PARD3: variants seen among roughly 807,000 people sequenced by gnomAD.
PARD3 encodes partitioning defective 3 homolog.
In PARD3, 75 loss-of-function variants were observed where a neutral mutation model predicts 155.4. The ratio of observed to expected loss-of-function variants is 0.48; its 90% CI spans 0.40 to 0.58. The LOEUF is 0.58. Among genes scored for constraint, PARD3 ranks in the 20% least tolerant of loss-of-function variants. The pLI, the probability that PARD3 is intolerant of heterozygous loss-of-function variation, is 0.00. For synonymous variants in PARD3, 576 were observed against 610.5 expected (o/e 0.94, Z 0.83); for missense variants, 1,642 against 1,721.7 (o/e 0.95, Z 0.82).
chr10:34,220,185 C>G (rs371096865), intron 22 of PARD3, among the ~76,000 whole-genome samples: 49 of 152,174 alleles, frequency 3.2e-4, no homozygotes, highest in Admixed American at 2.0e-3. Context: ...TCCACTCCTA[C>G]AAGTTGTAAA....
intron 5 of PARD3, among the ~76,000 whole-genome samples, chr10:34,419,145 A>C (rs1341941434): frequency 2.0e-5 from 3 of 152,204 alleles, no homozygotes; most frequent in Admixed American, 1.3e-4. Context: ...TTGAATATTA[A>C]AATCTTAAAA....
chr10:34,406,886 T>C (rs554573333), intron 5 of PARD3, among the ~76,000 whole-genome samples: 27 of 152,154 alleles, frequency 1.8e-4, no homozygotes, highest in South Asian at 1.0e-3. Flanking sequence ...CAGTGAGCAA[T>C]TGTCACATTG....
rs1841926662 is a variant in PARD3 at position 34,382,117 on chromosome 10, C to T, written c.1399+423G>A. 2.0e-5 allele frequency among the ~76,000 whole-genome samples: 3 copies of T among 152,080 alleles called. No homozygotes were observed. The South Asian group carries it at 6.2e-4, about 32-fold the overall frequency. ...CACATCAAATACTGAGATTGACGTGCACTACCTCTAAAGTCCTCCTTGAGG... is the reference window on the plus strand; with the variant it reads ...CACATCAAATACTGAGATTGACGTGTACTACCTCTAAAGTCCTCCTTGAGG... On this transcript the variant is annotated intron_variant, in intron 9 of 24. Coordinates refer to ENST00000374788, the MANE Select transcript of PARD3 (RefSeq NM_001184785.2).
intron 2 of PARD3, among the ~76,000 whole-genome samples, chr10:34,650,339 C>G (rs904334102): frequency 6.6e-6 from 1 of 152,242 alleles, no homozygotes; most frequent in Non-Finnish European, 1.5e-5. Context: ...AGGAACTTCT[C>G]AGTTCCATTA....
At chr10:34,156,736 C>T (rs373670383) in intron 22 of PARD3, among the ~76,000 whole-genome samples, 29 of 152,296 alleles carry the variant, frequency 1.9e-4, no homozygotes, top group East Asian at 1.7e-3. Context: ...TCCCAGAGCT[C>T]GCCCAGGCCC....
chr10:34,352,120 G>T (rs1330194210), intron 14 of PARD3, among the ~76,000 whole-genome samples: 1 of 152,126 alleles, frequency 6.6e-6, no homozygotes, highest in East Asian at 1.9e-4. Flanking sequence ...TTCTAACATG[G>T]ATATAATAAA....
chr10:34,562,640 A>G (rs2085592113), intron 2 of PARD3, among the ~76,000 whole-genome samples: 1 of 152,132 alleles, frequency 6.6e-6, no homozygotes, highest in Admixed American at 6.5e-5. Flanking sequence ...AATGTTAAAA[A>G]CTTTTTTTTA....
In PARD3 at chr10:34,719,464, G is replaced by T. The variant is rs571193589; in HGVS notation, c.121-23045C>A. 7.2e-5 allele frequency among the ~76,000 whole-genome samples: 11 copies of T among 152,196 alleles called. No individual in the cohort carries two copies. The East Asian group carries it at 2.1e-3, about 29-fold the overall frequency. ...ATAGTTACTTAATACATTCCTGAGT[G>T]CAGTGCAGCAACACTTCCTGTTTAT... On this transcript the variant is annotated intron_variant, in intron 1 of 24. Coordinates refer to ENST00000374788, the MANE Select transcript of PARD3 (RefSeq NM_001184785.2).
intron 20 of PARD3, 116 bp from the exon 21 acceptor site, chr10:34,284,361 G>C (rs914917438): frequency 1.6e-6 from 1 of 609,022 alleles, no homozygotes; most frequent in East Asian, 3.0e-5. Flanking sequence ...ACAGGGATCA[G>C]GTGTCTTCTG....
At chr10:34,182,822 G>C (rs1049901826) in intron 22 of PARD3, among the ~76,000 whole-genome samples, 1 of 151,616 alleles carries the variant, frequency 6.6e-6, no homozygotes, top group Non-Finnish European at 1.5e-5. Flanking sequence ...GTAACTATTG[G>C]TGTAAATGGG....
intron 1 of PARD3, among the ~76,000 whole-genome samples, chr10:34,712,785 G>C (rs2094466251): frequency 6.6e-6 from 1 of 151,922 alleles, no homozygotes; most frequent in Non-Finnish European, 1.5e-5. Context: ...GAGAAGGGAG[G>C]GTGAGGAGAT....
intron 2 of PARD3, among the ~76,000 whole-genome samples, chr10:34,668,497 G>A (rs138667923): frequency 1.3e-5 from 2 of 152,230 alleles, no homozygotes; most frequent in Non-Finnish European, 2.9e-5. Context: ...TCAAAATCCA[G>A]GAAGAGCAGA....
intron 12 of PARD3, among the ~76,000 whole-genome samples, chr10:34,369,228 C>T (rs949626263): frequency 2.0e-5 from 3 of 152,130 alleles, no homozygotes; most frequent in African/African-American, 7.2e-5. Flanking sequence ...GCATGTGGTC[C>T]AGGATGGCTT....
rs1466343287 is a variant in PARD3 at position 34,525,266 on chromosome 10, T to C, written c.223-8107A>G. On this transcript the variant is annotated intron_variant, in intron 2 of 24. Coordinates refer to ENST00000374788, the MANE Select transcript of PARD3 (RefSeq NM_001184785.2). Reference sequence around the variant, plus strand: ...AGATTAATTCCACGCTTCATCAGCATATTAAGAAGGGTATATACTGTCTGA... The same window carrying C: ...AGATTAATTCCACGCTTCATCAGCACATTAAGAAGGGTATATACTGTCTGA... Among the ~76,000 whole-genome samples the C allele has an allele frequency of 3.9e-5, 6 of 152,330 alleles. No homozygotes were observed. In the East Asian group the frequency reaches 7.7e-4, roughly 20 times the overall value.
At chr10:34,152,368 G>T (rs1948819152) in intron 22 of PARD3, among the ~76,000 whole-genome samples, 1 of 152,216 alleles carries the variant, frequency 6.6e-6, no homozygotes. Context: ...TAGGCTGTAT[G>T]GTGTAGCCTA....
chr10:34,518,083 T>C (rs1290455669), intron 2 of PARD3, among the ~76,000 whole-genome samples: 1 of 152,146 alleles, frequency 6.6e-6, no homozygotes, highest in Non-Finnish European at 1.5e-5. Flanking sequence ...TTCATCATAT[T>C]GGCCAGGCCA....
intron 1 of PARD3, among the ~76,000 whole-genome samples, chr10:34,806,046 T>G (rs369836358): frequency 1.1e-3 from 170 of 151,362 alleles, no homozygotes; most frequent in African/African-American, 3.8e-3. Flanking sequence ...TTTTTTTCTG[T>G]TAGAGACAGA....
chr10:34,311,103 T>C (rs1238620096), intron 20 of PARD3, among the ~76,000 whole-genome samples: 3 of 152,310 alleles, frequency 2.0e-5, no homozygotes, highest in Admixed American at 1.3e-4. Context: ...CTCTTCTGTG[T>C]GTCTCCTTAC....
At chr10:34,272,389 A>T (rs979133910) in intron 21 of PARD3, among the ~76,000 whole-genome samples, 3 of 152,196 alleles carry the variant, frequency 2.0e-5, no homozygotes, top group African/African-American at 7.2e-5. Context: ...ACTAGAAAAA[A>T]ATATTTGCAA....
Sources: allele counts gnomAD v4.1 joint callset (sites outside exome capture counted in the v4.1 genomes callset), GRCh38; gene constraint gnomAD v4.1.1; transcripts MANE v1.5; gene names NCBI Gene and HGNC (gene_info 2026-07-23, HGNC 2026-07-21).